Variants in ARHGAP24 observed in about 807,000 individuals in gnomAD.
ARHGAP24 encodes rho GTPase-activating protein 24.
In ARHGAP24, 50 loss-of-function variants were observed where a neutral mutation model predicts 76.4. The observed-to-expected ratio is 0.65, with a 90% CI of 0.52 to 0.83. The LOEUF (loss-of-function observed/expected upper bound fraction) is 0.83, where lower values mean the gene tolerates loss of function less well. Ranked by LOEUF, ARHGAP24 falls within the 40% of genes least tolerant of loss-of-function variation. The pLI, the probability that ARHGAP24 is intolerant of heterozygous loss-of-function variation, is 0.00. For missense variants in ARHGAP24, 930 were observed against 914.2 expected (o/e 1.02, Z -0.22); for synonymous variants, 345 against 323.3 (o/e 1.07, Z -0.72).
rs7692040 is a variant in ARHGAP24 at position 85,902,266 on chromosome 4, G to C, written c.269-21382G>C. Among the ~76,000 whole-genome samples the C allele has an allele frequency of 8.0e-3, 1,217 of 152,260 alleles. 15 individuals carry two copies. Among genetic ancestry groups the C allele is most frequent in the African/African-American group, 0.025 (1,058 of 41,554 alleles). ...AATATGTCAAACCACCATTGTGGTA[G>C]AGACCCCTGAAGATGTTTAAAATCT... On this transcript the variant is annotated intron_variant, in intron 3 of 9. Transcript: ENST00000395184.
At chr4:85,789,220 TAAAAAA>T (rs35635619) in intron 3 of ARHGAP24, among the ~76,000 whole-genome samples, 1 of 128,364 alleles carries the variant, frequency 7.8e-6, no homozygotes. Context: ...GAACCTCCAT[TAAAAAA>T]AAAAAAAAAA....
At chr4:85,722,539 C>A (rs1206943686) in intron 3 of ARHGAP24, 2 of 157,098 alleles carry the variant, frequency 1.3e-5, no homozygotes, top group South Asian at 3.9e-4. Flanking sequence ...ACAGCTCTGC[C>A]AAGACATCAA....
intron 3 of ARHGAP24, among the ~76,000 whole-genome samples, chr4:85,758,594 T>C (rs2110071535): frequency 6.6e-6 from 1 of 152,330 alleles, no homozygotes; most frequent in East Asian, 1.9e-4. Flanking sequence ...TGCAGTTTTA[T>C]GCTTTTAAAA....
At chr4:85,605,324 A>G (rs1481395007) in intron 2 of ARHGAP24, among the ~76,000 whole-genome samples, 3 of 152,168 alleles carry the variant, frequency 2.0e-5, no homozygotes, top group Non-Finnish European at 4.4e-5. Context: ...AATCTAATAT[A>G]CTCTTTCCAG....
chr4:85,507,104 G>A (rs989690369), intron 1 of ARHGAP24, among the ~76,000 whole-genome samples: 2 of 152,168 alleles, frequency 1.3e-5, no homozygotes, highest in Non-Finnish European at 2.9e-5. Context: ...TGAATGGTTG[G>A]ATTTGCATGA....
rs116683594 is a variant in ARHGAP24, at chr4:85,710,233, G to A, written c.181-11652G>A. ...GTACAACCATCTGATTTTCAACAAA[G>A]CTGACAAAAGCAAGCAGTGGGGAAA... On this transcript the variant is annotated intron_variant, in intron 2 of 9. Coordinates refer to ENST00000395184, the MANE Select transcript of ARHGAP24 (RefSeq NM_001025616.3). Among the ~76,000 whole-genome samples the A allele has an allele frequency of 3.2e-3, 485 of 152,214 alleles. 3 individuals are homozygous for A. Among genetic ancestry groups the A allele is most frequent in the African/African-American group, 0.011 (464 of 41,560 alleles).
chr4:85,770,755 C>A (rs1407113655), intron 3 of ARHGAP24, among the ~76,000 whole-genome samples: 1 of 152,130 alleles, frequency 6.6e-6, no homozygotes, highest in Non-Finnish European at 1.5e-5. Context: ...GTTTGGAAAC[C>A]TAATTAATTT....
At chr4:85,983,771 G>T (rs1459142685) in intron 8 of ARHGAP24, among the ~76,000 whole-genome samples, 4 of 152,090 alleles carry the variant, frequency 2.6e-5, no homozygotes, top group African/African-American at 9.7e-5. Flanking sequence ...CCCAAGCAGG[G>T]TCTCTTGTCT....
intron 3 of ARHGAP24, among the ~76,000 whole-genome samples, chr4:85,872,176 CT>C (rs1459039508): frequency 6.6e-6 from 1 of 151,852 alleles, no homozygotes; most frequent in Non-Finnish European, 1.5e-5. Context: ...ACTTAGAAAA[CT>C]TTTTATCTTT....
chr4:85,537,891 A>G (rs980638255), intron 1 of ARHGAP24, among the ~76,000 whole-genome samples: 8 of 152,300 alleles, frequency 5.3e-5, no homozygotes, highest in African/African-American at 1.7e-4. Context: ...TTTCACTTGT[A>G]TATTGGTGTC....
At chr4:85,941,486 A>G (rs1009197595) in intron 4 of ARHGAP24, among the ~76,000 whole-genome samples, 11 of 152,202 alleles carry the variant, frequency 7.2e-5, no homozygotes, top group Admixed American at 7.2e-4. Flanking sequence ...TCACTTTCAA[A>G]TAAGTTAATA....
chr4:85,701,972 G>T, intron 2 of ARHGAP24, among the ~76,000 whole-genome samples: 1 of 151,930 alleles, frequency 6.6e-6, no homozygotes, highest in East Asian at 1.9e-4. Context: ...CCAGAGATTT[G>T]GACTCAGTTC....
chr4:85,631,934 A>G (rs761755254), intron 2 of ARHGAP24, among the ~76,000 whole-genome samples: 3 of 152,036 alleles, frequency 2.0e-5, no homozygotes, highest in Non-Finnish European at 2.9e-5. Context: ...TTCTTTATAA[A>G]TACTCTAATG....
At chr4:85,510,442 TCC>T (rs1724230736) in intron 1 of ARHGAP24, among the ~76,000 whole-genome samples, 1 of 151,798 alleles carries the variant, frequency 6.6e-6, no homozygotes, top group South Asian at 2.1e-4. Context: ...TCCCTCTCTC[TCC>T]CTTTCTTTTT....
At chr4:85,728,463 G>A (rs1403350500) in intron 3 of ARHGAP24, among the ~76,000 whole-genome samples, 1 of 151,996 alleles carries the variant, frequency 6.6e-6, no homozygotes, top group Non-Finnish European at 1.5e-5. Context: ...CTATGTACAT[G>A]TGTGCATAAA....
At chr4:85,873,231 T>G (rs771269433) in intron 3 of ARHGAP24, among the ~76,000 whole-genome samples, 2 of 152,228 alleles carry the variant, frequency 1.3e-5, no homozygotes, top group Non-Finnish European at 2.9e-5. Context: ...TTTTTCTAGC[T>G]TTAGCTTCCT....
intron 3 of ARHGAP24, among the ~76,000 whole-genome samples, chr4:85,782,130 C>T (rs1476015511): frequency 6.6e-6 from 1 of 150,772 alleles, no homozygotes; most frequent in Non-Finnish European, 1.5e-5. Flanking sequence ...GGTGGCATGA[C>T]TTATTTTAAA....
intron 3 of ARHGAP24, among the ~76,000 whole-genome samples, chr4:85,919,207 G>A (rs929641070): frequency 2.6e-5 from 4 of 152,116 alleles, no homozygotes; most frequent in African/African-American, 7.2e-5. Context: ...TCCCGTAAAG[G>A]GCTAACGAAG....
chr4:85,714,943 G>T (rs1287364436), intron 2 of ARHGAP24, among the ~76,000 whole-genome samples: 1 of 152,070 alleles, frequency 6.6e-6, no homozygotes, highest in African/African-American at 2.4e-5. Context: ...AAAGCAGTTT[G>T]CATTTATTCC....
Sources: allele counts gnomAD v4.1 joint callset (sites outside exome capture counted in the v4.1 genomes callset), GRCh38; gene constraint gnomAD v4.1.1; transcripts MANE v1.5; gene names NCBI Gene and HGNC (gene_info 2026-07-23, HGNC 2026-07-21).